DPY19L2: variants seen among roughly 807,000 people sequenced by gnomAD.
DPY19L2 encodes the protein dpy-19 like 2.
DPY19L2 carries 34 observed loss-of-function variants against 97.9 expected under a neutral mutation model. The ratio of observed to expected loss-of-function variants is 0.35; its 90% CI spans 0.26 to 0.46. The LOEUF (loss-of-function observed/expected upper bound fraction) is 0.46. Among genes scored for constraint, DPY19L2 ranks in the 20% least tolerant of loss-of-function variants. The probability of loss-of-function intolerance (pLI) is 1.00; values close to 1 mark genes in which losing one functional copy is unlikely to be tolerated. For missense variants in DPY19L2, 623 were observed against 911.4 expected (o/e 0.68, Z 4.07); for synonymous variants, 230 against 307.9 (o/e 0.75, Z 2.65).
chr12:63,623,911 C>T lies in DPY19L2; in HGVS notation c.953+129G>A, dbSNP rs549213687. On this transcript the variant is annotated intron_variant, in intron 8 of 21. Coordinates refer to ENST00000324472, the MANE Select transcript of DPY19L2 (RefSeq NM_173812.5). Reference sequence around the variant, plus strand: ...TAGAGATGTGGTTTCACCATGTTGGCCAGGCTGGTCTCGAACTCCTGACCT... The same window carrying T: ...TAGAGATGTGGTTTCACCATGTTGGTCAGGCTGGTCTCGAACTCCTGACCT... The T allele has an allele frequency of 1.1e-5, 7 of 620,512 alleles. No individual in the cohort carries two copies. In the East Asian group the frequency reaches 1.4e-4, roughly 12 times the overall value. The allele number at this position is 620,512 out of a possible 1,614,324, so 38.4% of individuals were successfully genotyped here. A position where few individuals can be genotyped will look rare whatever the true frequency, so the allele number is the denominator to read the frequency against.
chr12:63,567,570 AC>A, intron 21 of DPY19L2, among the ~76,000 whole-genome samples: 1 of 152,128 alleles, frequency 6.6e-6, no homozygotes, highest in South Asian at 2.1e-4. Flanking sequence ...GAGAAGAAAA[AC>A]GTATAGTGAT....
chr12:63,587,866 C>T (rs1019629769), intron 16 of DPY19L2, among the ~76,000 whole-genome samples: 17 of 151,968 alleles, frequency 1.1e-4, no homozygotes, highest in East Asian at 1.9e-4. Context: ...CCACCGAACC[C>T]GGCCTAAAAC....
At chr12:63,624,397 T>C (rs970457134) in intron 7 of DPY19L2, among the ~76,000 whole-genome samples, 1 of 151,992 alleles carries the variant, frequency 6.6e-6, no homozygotes, top group African/African-American at 2.4e-5. Flanking sequence ...ATTGTACGTA[T>C]AAGAGTTGTG....
chr12:63,599,418 C>T (rs572464478), intron 13 of DPY19L2, among the ~76,000 whole-genome samples: 8 of 152,108 alleles, frequency 5.3e-5, no homozygotes, highest in Non-Finnish European at 1.2e-4. Flanking sequence ...AACCACCATG[C>T]AAAACTAGCA....
At chr12:63,651,106 T>C (rs1894159916) in intron 4 of DPY19L2, among the ~76,000 whole-genome samples, 1 of 152,036 alleles carries the variant, frequency 6.6e-6, no homozygotes, top group Admixed American at 6.6e-5. Context: ...GTCACACACC[T>C]AGAACCATCT....
rs761260753 is a variant in DPY19L2, at chr12:63,644,512, G to A, written c.710-16C>T. On this transcript the variant is annotated splice_polypyrimidine_tract_variant and intron_variant, in intron 5 of 21. Coordinates refer to ENST00000324472, the MANE Select transcript of DPY19L2 (RefSeq NM_173812.5). ...TCTCCCAATCCTTTGAAAAGATACA[G>A]ATAATCAGTGTTTAATGAATATATG... 1 of 1,600,672 alleles carries A rather than the reference G, an allele frequency of 6.2e-7. No homozygotes were observed. The highest frequency in any genetic ancestry group is 8.5e-7 in the Non-Finnish European group (1 of 1,175,826).
At chr12:63,590,216 A>G (rs894784497) in intron 16 of DPY19L2, among the ~76,000 whole-genome samples, 1 of 152,200 alleles carries the variant, frequency 6.6e-6, no homozygotes, top group Non-Finnish European at 1.5e-5. Flanking sequence ...AAAAGCTGCA[A>G]AACTCCACTG....
chr12:63,590,091 GC>G (rs1158981104), intron 16 of DPY19L2, among the ~76,000 whole-genome samples: 1 of 151,804 alleles, frequency 6.6e-6, no homozygotes, highest in East Asian at 1.9e-4. Flanking sequence ...TTGTGCCACT[GC>G]ATACACAGCA....
chr12:63,641,328 T>C (rs1483190494), intron 6 of DPY19L2, among the ~76,000 whole-genome samples: 1 of 152,116 alleles, frequency 6.6e-6, no homozygotes, highest in East Asian at 1.9e-4. Flanking sequence ...CATAGAAAAG[T>C]GCATAACATT....
chr12:63,562,726 A>C (rs1876826204), intron 21 of DPY19L2, among the ~76,000 whole-genome samples: 1 of 149,924 alleles, frequency 6.7e-6, no homozygotes, highest in South Asian at 2.1e-4. Context: ...TGTAATTTTC[A>C]TTTGCATTTC....
rs555306279 is a variant in DPY19L2 at position 63,559,961 on chromosome 12, A to G, written c.*551T>C. 1 of 152,336 alleles carries G rather than the reference A, an allele frequency of 6.6e-6. No homozygotes were observed. Among genetic ancestry groups the G allele is most frequent in the African/African-American group, 2.4e-5 (1 of 41,566 alleles). 9.4% of individuals were successfully genotyped at this position (152,336 alleles called of 1,614,324 possible). On this transcript the variant is annotated 3_prime_UTR_variant, in exon 22 of 22. Coordinates refer to ENST00000324472, the MANE Select transcript of DPY19L2 (RefSeq NM_173812.5). ...CACTTCAACTTGAAATTATTAAAAAAAAGTATTAAAAGGTATTAGAGATCT... is the reference window on the plus strand; with the variant it reads ...CACTTCAACTTGAAATTATTAAAAAGAAGTATTAAAAGGTATTAGAGATCT...
intron 12 of DPY19L2, among the ~76,000 whole-genome samples, chr12:63,603,410 A>G (rs1885507277): frequency 6.6e-6 from 1 of 152,064 alleles, no homozygotes; most frequent in South Asian, 2.1e-4. Context: ...CAGGATATGC[A>G]TGTTTGTTAC....
At chr12:63,636,175 C>A (rs930438755) in intron 6 of DPY19L2, among the ~76,000 whole-genome samples, 1 of 152,060 alleles carries the variant, frequency 6.6e-6, no homozygotes, top group African/African-American at 2.4e-5. Context: ...TCCAGCCAAA[C>A]TAAGCTTCAT....
upstream of DPY19L2, chr12:63,668,668 G>C (rs930174308): frequency 4.8e-5 from 22 of 458,702 alleles, no homozygotes; most frequent in Non-Finnish European, 8.3e-5. Flanking sequence ...CTTCCGGTGA[G>C]GGCAGCCCCA....
At chr12:63,667,750 C>T (rs1444003740) in intron 1 of DPY19L2, among the ~76,000 whole-genome samples, 1 of 152,092 alleles carries the variant, frequency 6.6e-6, no homozygotes, top group Non-Finnish European at 1.5e-5. Context: ...AGACTTGCTC[C>T]ACTAATTATT....
At chr12:63,633,376 A>G (rs1216933684) in intron 6 of DPY19L2, among the ~76,000 whole-genome samples, 1 of 152,166 alleles carries the variant, frequency 6.6e-6, no homozygotes, top group Non-Finnish European at 1.5e-5. Flanking sequence ...AGAAAAAAAC[A>G]AACAACCCCA....
chr12:63,665,046 G>T (rs1234248639), intron 2 of DPY19L2, among the ~76,000 whole-genome samples: 1 of 137,636 alleles, frequency 7.3e-6, no homozygotes, highest in Non-Finnish European at 1.5e-5. Context: ...AAACACTTTT[G>T]TAAAATAATG....
At chr12:63,666,498 G>A (rs1896351825) in intron 1 of DPY19L2, 2 of 445,018 alleles carry the variant, frequency 4.5e-6, no homozygotes, top group South Asian at 1.6e-5. Context: ...TGGGTATGGA[G>A]CTTTTACAGG....
chr12:63,577,228 C>T (rs1377533694), intron 19 of DPY19L2, among the ~76,000 whole-genome samples: 1 of 151,742 alleles, frequency 6.6e-6, no homozygotes, highest in East Asian at 1.9e-4. Flanking sequence ...AACTGAATAT[C>T]CATATGCAGA....
Sources: allele counts gnomAD v4.1 joint callset (sites outside exome capture counted in the v4.1 genomes callset), GRCh38; gene constraint gnomAD v4.1.1; transcripts MANE v1.5; gene names NCBI Gene and HGNC (gene_info 2026-07-23, HGNC 2026-07-21).